The following CEACAM21 variants were observed in gnomAD, a reference collection of about 807,000 sequenced individuals.
CEACAM21 encodes cell adhesion molecule CEACAM21.
Under a neutral mutation model 33.2 loss-of-function variants are expected in CEACAM21, and 38 were observed. The observed-to-expected ratio is 1.14, with a 90% CI of 0.88 to 1.50. The LOEUF is 1.50. Among genes scored for constraint, CEACAM21 ranks in the 40% most tolerant of loss-of-function variants. The probability of loss-of-function intolerance (pLI) is 0.00; values close to 1 mark genes in which losing one functional copy is unlikely to be tolerated. For missense variants in CEACAM21, 385 were observed against 364.6 expected (o/e 1.06, Z -0.46); for synonymous variants, 156 against 143.0 (o/e 1.09, Z -0.65).
chr19:41,576,280 G>A lies in CEACAM21; in HGVS notation c.6G>A (p.Gly2=). ...CAGAGCAGGCAGCAGAGACCATGGG[G>A]CCCCCCTCAGCTTGTCCCCACAGAG... M[G]PPSACPHREC... is the part of the protein sequence containing the mutation. The change falls in exon 1 of 7, where the codon GGG becomes GGA. Residue 2 remains glycine (G), a synonymous_variant. Coordinates refer to ENST00000401445, the MANE Select transcript of CEACAM21 (RefSeq NM_001098506.4). 6.2e-7 allele frequency: 1 copy of A among 1,613,690 alleles called. No homozygotes were observed. The highest frequency in any genetic ancestry group is 8.5e-7 in the Non-Finnish European group (1 of 1,179,768).
At chr19:41,580,310 TG>T (rs3030814) in intron 3 of CEACAM21, among the ~76,000 whole-genome samples, 82 of 151,356 alleles carry the variant, frequency 5.4e-4, no homozygotes, top group East Asian at 2.4e-3. Context: ...CCAAATGTGA[TG>T]GGGGGGGGTT....
intron 5 of CEACAM21, 96 bp from the exon 6 acceptor site, chr19:41,585,744 C>G: frequency 7.6e-7 from 1 of 1,322,814 alleles, no homozygotes; most frequent in Non-Finnish European, 1.1e-6. Flanking sequence ...GGCTCCCTCT[C>G]CCCAATTCTC....
At chr19:41,579,109 G>C (rs1013127103) in intron 2 of CEACAM21, among the ~76,000 whole-genome samples, 3 of 152,082 alleles carry the variant, frequency 2.0e-5, no homozygotes, top group Non-Finnish European at 2.9e-5. Flanking sequence ...CCGCTCATCT[G>C]TGGGAGGGTT....
chr19:41,565,820 A>T lies in CEACAM21; in HGVS notation c.-404+764A>T, dbSNP rs115575822. Among the ~76,000 whole-genome samples, 707 of 152,294 alleles carry T rather than the reference A, an allele frequency of 4.6e-3. 5 individuals are homozygous for T. The highest frequency in any genetic ancestry group is 0.016 in the African/African-American group (680 of 41,554). ...AGGAAAATGGGCCAATGAAGAAGAT[A>T]GGTGACTAATAAATAAAAATCTGAT... On this transcript the variant is annotated intron_variant, in intron 2 of 7. Transcript: ENST00000407170.
At chr19:41,575,563 G>T (rs1264893330), upstream of CEACAM21, among the ~76,000 whole-genome samples, 3 of 152,176 alleles carry the variant, frequency 2.0e-5, no homozygotes, top group Non-Finnish European at 2.9e-5. Context: ...CACGGAGAGG[G>T]TCCCCCTGAA....
chr19:41,576,947 T>C (rs1460896565), intron 1 of CEACAM21, among the ~76,000 whole-genome samples: 3 of 152,084 alleles, frequency 2.0e-5, no homozygotes, highest in Non-Finnish European at 4.4e-5. Context: ...AGGGATTCCC[T>C]TGTGTGAGTA....
intron 1 of CEACAM21, chr19:41,552,285 T>TGG (rs1366451521): frequency 6.6e-6 from 1 of 151,738 alleles, no homozygotes; most frequent in Non-Finnish European, 1.5e-5. Context: ...CACAGAGGTT[T>TGG]GGGGGGGGTT....
chr19:41,564,297 C>G lies in CEACAM21; in HGVS notation c.-778-385C>G, dbSNP rs2042101862. 3.9e-5 allele frequency among the ~76,000 whole-genome samples: 6 copies of G among 152,220 alleles called. No individual in the cohort carries two copies. The South Asian group carries it at 1.2e-3, about 32-fold the overall frequency. ...GGCCCCGCTTTCACCTTCTGAATTC[C>G]TGCCGCAAATAAAGACCAAGGAGTG... On this transcript the variant is annotated intron_variant, in intron 1 of 7. Transcript: ENST00000407170.
At chr19:41,561,557 T>C (rs2041882881) in intron 1 of CEACAM21, among the ~76,000 whole-genome samples, 1 of 152,222 alleles carries the variant, frequency 6.6e-6, no homozygotes, top group Non-Finnish European at 1.5e-5. Context: ...AATAAAATCC[T>C]TGCAGTTGTC....
chr19:41,578,535 G>A (rs2043127235), intron 2 of CEACAM21, among the ~76,000 whole-genome samples: 2 of 152,306 alleles, frequency 1.3e-5, no homozygotes, highest in Middle Eastern at 3.4e-3. Context: ...CCAGAATCTG[G>A]TCGTGGCCAC....
At chr19:41,563,383 G>A (rs1328478036) in intron 1 of CEACAM21, among the ~76,000 whole-genome samples, 2 of 152,166 alleles carry the variant, frequency 1.3e-5, no homozygotes, top group African/African-American at 4.8e-5. Context: ...CTGTTCCTCG[G>A]CGCTTCTGAA....
At chr19:41,585,357 A>G (rs762658828) in intron 4 of CEACAM21, 86 bp from the exon 5 acceptor site, 39 of 1,422,040 alleles carry the variant, frequency 2.7e-5, no homozygotes, top group Admixed American at 1.2e-4. Flanking sequence ...CCTCTTGGAA[A>G]TAGGCTCCTT....
At chr19:41,555,428 A>G (rs1345744422) in intron 1 of CEACAM21, 1 of 151,768 alleles carries the variant, frequency 6.6e-6, no homozygotes, top group Non-Finnish European at 1.5e-5. Flanking sequence ...TAGTTAGATT[A>G]GATAAATAGT....
At chr19:41,585,123 G>A (rs564625337) in intron 4 of CEACAM21, among the ~76,000 whole-genome samples, 1 of 152,234 alleles carries the variant, frequency 6.6e-6, no homozygotes, top group East Asian at 1.9e-4. Flanking sequence ...TCCCCCTGGT[G>A]CCTTGACCCT....
intron 1 of CEACAM21, among the ~76,000 whole-genome samples, chr19:41,560,878 A>G (rs1041308271): frequency 8.5e-5 from 13 of 152,374 alleles, no homozygotes; most frequent in African/African-American, 2.9e-4. Context: ...CATGCTTTAT[A>G]CAATCAGAGA....
At chr19:41,581,151 T>C (rs1357669859) in intron 3 of CEACAM21, among the ~76,000 whole-genome samples, 1 of 152,146 alleles carries the variant, frequency 6.6e-6, no homozygotes, top group Admixed American at 6.5e-5. Context: ...AGCTGGAAGG[T>C]TATGGGTTTA....
intron 1 of CEACAM21, among the ~76,000 whole-genome samples, chr19:41,576,590 T>A (rs2042963657): frequency 6.6e-6 from 1 of 152,250 alleles, no homozygotes; most frequent in Non-Finnish European, 1.5e-5. Context: ...TAAAACTATA[T>A]CACAGTGACA....
chr19:41,571,704 G>A (rs1363789652), upstream of CEACAM21, among the ~76,000 whole-genome samples: 2 of 152,224 alleles, frequency 1.3e-5, no homozygotes, highest in Non-Finnish European at 2.9e-5. Context: ...AATGCAATCA[G>A]TGTCTGGACA....
At chr19:41,553,129 G>T (rs1001831064) in intron 1 of CEACAM21, among the ~76,000 whole-genome samples, 13 of 151,590 alleles carry the variant, frequency 8.6e-5, no homozygotes, top group African/African-American at 2.9e-4. Flanking sequence ...ACCCTTTTTT[G>T]TTGTTGTTGT....
Sources: allele counts gnomAD v4.1 joint callset (sites outside exome capture counted in the v4.1 genomes callset), GRCh38; gene constraint gnomAD v4.1.1; transcripts MANE v1.5; gene names NCBI Gene and HGNC (gene_info 2026-07-23, HGNC 2026-07-21).